Variants in PXDNL observed in about 807,000 individuals in gnomAD.
PXDNL encodes the protein peroxidasin like.
A neutral mutation model predicts 150.8 loss-of-function variants in PXDNL; 145 were observed. That is an observed-to-expected ratio of 0.96 (90% CI 0.84 to 1.10). The LOEUF (loss-of-function observed/expected upper bound fraction) is 1.10. Ranked by LOEUF, PXDNL falls within the 50% of genes least tolerant of loss-of-function variation. The pLI, the probability that PXDNL is intolerant of heterozygous loss-of-function variation, is 0.00. For synonymous variants in PXDNL, 757 were observed against 725.7 expected, an observed-to-expected ratio of 1.04 and a Z score of -0.69; for missense variants, 2,087 against 1,873.9, an observed-to-expected ratio of 1.11 and a Z score of -2.10.
intron 21 of PXDNL, among the ~76,000 whole-genome samples, chr8:51,325,174 T>C (rs1424670517): frequency 2.0e-5 from 3 of 152,214 alleles, no homozygotes; most frequent in Non-Finnish European, 4.4e-5. Context: ...TATGACTGCT[T>C]TGAAATCTTT....
intron 4 of PXDNL, among the ~76,000 whole-genome samples, chr8:51,519,614 A>G (rs1811616710): frequency 6.6e-6 from 1 of 152,196 alleles, no homozygotes. Flanking sequence ...TAAATTGCTT[A>G]TCATATGGAA....
chr8:51,403,899 T>C (rs1808349798), intron 17 of PXDNL, among the ~76,000 whole-genome samples: 1 of 152,202 alleles, frequency 6.6e-6, no homozygotes, highest in African/African-American at 2.4e-5. Flanking sequence ...GTCTTAAAGG[T>C]GGTGTGTCCG....
intron 3 of PXDNL, among the ~76,000 whole-genome samples, chr8:51,557,694 A>C (rs1489714798): frequency 6.6e-6 from 1 of 152,102 alleles, no homozygotes; most frequent in East Asian, 1.9e-4. Flanking sequence ...TTTGTTAAAC[A>C]CACCAATTCT....
At chr8:51,478,568 G>T (rs1286937291) in intron 6 of PXDNL, among the ~76,000 whole-genome samples, 1 of 152,194 alleles carries the variant, frequency 6.6e-6, no homozygotes, top group Non-Finnish European at 1.5e-5. Context: ...GAGTGTAGTT[G>T]TCATGAGTTA....
At position 51,501,355 on chromosome 8, in the gene PXDNL, TTG is replaced by T. The variant is rs1184440468; in HGVS notation, c.381-1587_381-1586del. Among the ~76,000 whole-genome samples, 102 of 151,390 alleles carry T rather than the reference TTG, an allele frequency of 6.7e-4. 1 individual carries two copies. Among genetic ancestry groups the T allele is most frequent in the Non-Finnish European group, 2.1e-4 (14 of 67,858 alleles). On this transcript the variant is annotated intron_variant, in intron 4 of 22. Coordinates refer to ENST00000356297, the MANE Select transcript of PXDNL (RefSeq NM_144651.5). ...TTTCATACTGACACACACTCTCACATTGTCTCACACTGACACACTCTGACACA... is the reference window on the plus strand; with the variant it reads ...TTTCATACTGACACACACTCTCACATTCTCACACTGACACACTCTGACACA...
chr8:51,351,900 A>T (rs1274179719), intron 19 of PXDNL, among the ~76,000 whole-genome samples: 1 of 152,098 alleles, frequency 6.6e-6, no homozygotes, highest in Non-Finnish European at 1.5e-5. Context: ...TCTCACAATC[A>T]GCAGGGGAAT....
At position 51,518,445 on chromosome 8, in the gene PXDNL, CATATA is replaced by C. The variant is rs1238184095; in HGVS notation, c.381-18680_381-18676del. On this transcript the variant is annotated intron_variant, in intron 4 of 22. Coordinates refer to ENST00000356297, the MANE Select transcript of PXDNL (RefSeq NM_144651.5). Reference sequence around the variant, plus strand: ...TATACATATGCATACAAGCATAGAACATATAATATGCTCAAAACTGTGGAATACAG... The same window carrying C: ...TATACATATGCATACAAGCATAGAACATATGCTCAAAACTGTGGAATACAG... Among the ~76,000 whole-genome samples, 6 of 152,162 alleles carry C rather than the reference CATATA, an allele frequency of 3.9e-5. No individual in the cohort carries two copies. In the East Asian group the frequency reaches 7.7e-4, roughly 20 times the overall value.
intron 1 of PXDNL, among the ~76,000 whole-genome samples, chr8:51,745,235 T>A (rs2036970100): frequency 6.6e-6 from 1 of 152,146 alleles, no homozygotes; most frequent in African/African-American, 2.4e-5. Context: ...TCCAATAGAA[T>A]GAAATCTTAA....
chr8:51,694,575 C>A (rs557815968), intron 1 of PXDNL, among the ~76,000 whole-genome samples: 1 of 152,278 alleles, frequency 6.6e-6, no homozygotes, highest in African/African-American at 2.4e-5. Context: ...ACGTGACTCC[C>A]AAACTAATCT....
At chr8:51,618,711 T>G (rs1306382516) in intron 2 of PXDNL, among the ~76,000 whole-genome samples, 2 of 152,188 alleles carry the variant, frequency 1.3e-5, no homozygotes, top group Non-Finnish European at 2.9e-5. Flanking sequence ...ACTGACATTT[T>G]GTGCTCTGCA....
At chr8:51,708,354 C>A (rs11997646) in intron 1 of PXDNL, among the ~76,000 whole-genome samples, 6,084 of 152,296 alleles carry the variant, frequency 0.04, 356 homozygotes, top group African/African-American at 0.13. Flanking sequence ...AGTCATTTAT[C>A]TTTTTATCTT....
At chr8:51,656,947 A>G (rs1222787277) in intron 1 of PXDNL, among the ~76,000 whole-genome samples, 2 of 152,196 alleles carry the variant, frequency 1.3e-5, no homozygotes, top group African/African-American at 4.8e-5. Flanking sequence ...GTGGATAAAT[A>G]TAAGATGAAA....
At chr8:51,364,933 T>C (rs550696772) in intron 19 of PXDNL, among the ~76,000 whole-genome samples, 2 of 152,036 alleles carry the variant, frequency 1.3e-5, no homozygotes, top group Admixed American at 6.5e-5. Flanking sequence ...CAACAGACTT[T>C]ATTTTTTTTT....
rs374094896 is a variant in PXDNL, at chr8:51,618,354, A to AT, written c.237-25657dup. On this transcript the variant is annotated intron_variant, in intron 2 of 22. Transcript: ENST00000356297. The stretch of plus-strand genomic sequence containing the variant: ...ACTTAATAGTAAATGAAAAAACTGA[A>AT]TAAAAACTTGCTGGATGGATTGACT... 1.1e-4 allele frequency among the ~76,000 whole-genome samples: 16 copies of AT among 152,364 alleles called. 1 individual carries two copies. In the East Asian group the frequency reaches 1.3e-3, roughly 13 times the overall value.
At chr8:51,684,991 C>A (rs1585673035) in intron 1 of PXDNL, among the ~76,000 whole-genome samples, 2 of 152,268 alleles carry the variant, frequency 1.3e-5, no homozygotes, top group South Asian at 2.1e-4. Context: ...CATGGGATGC[C>A]CAGACAGCTG....
Position 51,475,015 on chromosome 8 carries a change from A to G in PXDNL, c.651T>C (p.His217=), listed in dbSNP as rs368113316. ...AATCEYPRRL[H]GRAVASVTVE... is the part of the protein sequence containing the mutation. The stretch of plus-strand genomic sequence containing the variant: ...CTGTTACTGAAGCAACTGCACGCCC[A>G]TGGAGTCTCCTGGGATATTCGCAGG... The change falls in exon 7 of 23, where the codon CAT becomes CAC. Residue 217 remains histidine (H), a synonymous_variant. Coordinates refer to ENST00000356297, the MANE Select transcript of PXDNL (RefSeq NM_144651.5). 30 of 1,610,796 alleles carry G rather than the reference A, an allele frequency of 1.9e-5. No individual in the cohort carries two copies. The highest frequency in any genetic ancestry group is 3.3e-4 in the Middle Eastern group (2 of 5,984).
chr8:51,512,534 C>T (rs1811444395), intron 4 of PXDNL, among the ~76,000 whole-genome samples: 1 of 152,284 alleles, frequency 6.6e-6, no homozygotes, highest in African/African-American at 2.4e-5. Flanking sequence ...TAACACACTC[C>T]ATTTTTGTTT....
At chr8:51,792,071 A>G (rs1001523761) in intron 1 of PXDNL, among the ~76,000 whole-genome samples, 2 of 152,226 alleles carry the variant, frequency 1.3e-5, no homozygotes, top group Non-Finnish European at 2.9e-5. Flanking sequence ...GTAGGTGGAA[A>G]ACATTGAGTT....
At chr8:51,494,423 A>G (rs1273734786) in intron 5 of PXDNL, among the ~76,000 whole-genome samples, 3 of 152,184 alleles carry the variant, frequency 2.0e-5, no homozygotes, top group Non-Finnish European at 4.4e-5. Context: ...AGATTCACAC[A>G]TAACAATATT....
Sources: gnomAD v4.1 joint callset for allele counts (sites outside exome capture counted in the v4.1 genomes callset) on GRCh38, gnomAD v4.1.1 for gene constraint, MANE v1.5 for transcripts, NCBI Gene and HGNC (gene_info 2026-07-23, HGNC 2026-07-21) for gene names.